Variants in PLXDC2 observed in about 807,000 individuals in gnomAD.
PLXDC2 encodes the protein plexin domain-containing protein 2.
A neutral mutation model predicts 68.9 loss-of-function variants in PLXDC2; 40 were observed. The observed-to-expected ratio is 0.58, with a 90% CI of 0.45 to 0.76. The LOEUF (loss-of-function observed/expected upper bound fraction) is 0.76, where lower values mean the gene tolerates loss of function less well. Ranked by LOEUF, PLXDC2 falls within the 30% of genes least tolerant of loss-of-function variation. PLXDC2 has a pLI of 0.00. For missense variants in PLXDC2, 644 were observed against 661.9 expected, an observed-to-expected ratio of 0.97 and a Z score of 0.30; for synonymous variants, 243 against 234.2, an observed-to-expected ratio of 1.04 and a Z score of -0.34.
intron 1 of PLXDC2, among the ~76,000 whole-genome samples, chr10:19,934,906 A>G (rs550351631): frequency 5.3e-4 from 81 of 152,290 alleles, no homozygotes; most frequent in African/African-American, 1.8e-3. Context: ...GTAAAAAAAT[A>G]TTCAAAGAAA....
At chr10:20,025,621 A>G (rs1210113978) in intron 2 of PLXDC2, among the ~76,000 whole-genome samples, 1 of 151,978 alleles carries the variant, frequency 6.6e-6, no homozygotes, top group Non-Finnish European at 1.5e-5. Flanking sequence ...TGTAGTTTTG[A>G]TGTGCATTTC....
chr10:20,132,814 A>G (rs1359917264), intron 4 of PLXDC2, among the ~76,000 whole-genome samples: 1 of 151,896 alleles, frequency 6.6e-6, no homozygotes, highest in Non-Finnish European at 1.5e-5. Flanking sequence ...TTTTGATTGA[A>G]GAATGTAATC....
At position 20,147,823 on chromosome 10, in the gene PLXDC2, A is replaced by G; in HGVS notation, c.704A>G (p.Gln235Arg). 6.2e-7 allele frequency: 1 copy of G among 1,613,478 alleles called. No homozygotes were observed. ...LVVQWDHVHL[Q>R]DNYNLGSFTF... ...GTCCAGTGGGACCATGTACATCTCC[A>G]GGATAATTATAACCTGGGAAGCTTC... Residue 235 changes from glutamine to arginine, a missense_variant, in exon 6 of 14, where the codon CAG (glutamine) becomes CGG (arginine). By Grantham distance (43) the Gln-to-Arg change is conservative (BLOSUM62 1). Coordinates refer to ENST00000377252, the MANE Select transcript of PLXDC2 (RefSeq NM_032812.9).
chr10:20,116,987 G>A (rs1833630948), intron 4 of PLXDC2, among the ~76,000 whole-genome samples: 2 of 151,326 alleles, frequency 1.3e-5, no homozygotes, highest in African/African-American at 2.4e-5. Flanking sequence ...TTTAAAGACT[G>A]GAAGAAAAAA....
chr10:20,018,185 C>G (rs1312507329), intron 2 of PLXDC2, among the ~76,000 whole-genome samples: 1 of 152,198 alleles, frequency 6.6e-6, no homozygotes, highest in Non-Finnish European at 1.5e-5. Flanking sequence ...CTAGTGTACA[C>G]CATGCAAATG....
At chr10:19,879,590 T>C (rs1011425706) in intron 1 of PLXDC2, among the ~76,000 whole-genome samples, 4 of 152,214 alleles carry the variant, frequency 2.6e-5, no homozygotes, top group African/African-American at 4.8e-5. Context: ...AGGCCTTGCA[T>C]TGCAGACTGA....
At chr10:20,148,849 C>T (rs998305533) in intron 6 of PLXDC2, among the ~76,000 whole-genome samples, 7 of 152,132 alleles carry the variant, frequency 4.6e-5, no homozygotes, top group East Asian at 1.9e-4. Context: ...AAAGAATGCC[C>T]TTTGGTCAAA....
At chr10:20,210,944 A>G (rs1835061484) in intron 9 of PLXDC2, among the ~76,000 whole-genome samples, 1 of 152,180 alleles carries the variant, frequency 6.6e-6, no homozygotes, top group South Asian at 2.1e-4. Flanking sequence ...CTTATCTTCC[A>G]GTCGTCAGCT....
rs566983035 is a variant in PLXDC2, at chr10:20,238,679, A to G, written c.1313-6666A>G. On this transcript the variant is annotated intron_variant, in intron 12 of 13. Coordinates refer to ENST00000377252, the MANE Select transcript of PLXDC2 (RefSeq NM_032812.9). ...TCAAAAAAAATATATATATATATGT[A>G]TATATATATATATACACACATATAT... Among the ~76,000 whole-genome samples, 24 of 128,382 alleles carry G rather than the reference A, an allele frequency of 1.9e-4. 1 individual carries two copies. Among genetic ancestry groups the G allele is most frequent in the East Asian group, 6.8e-4 (3 of 4,386 alleles). The allele number at this position is 128,382 out of a possible 152,430, so 84.2% of individuals were successfully genotyped here.
At chr10:19,951,046 A>T (rs979528447) in intron 1 of PLXDC2, among the ~76,000 whole-genome samples, 1 of 152,194 alleles carries the variant, frequency 6.6e-6, no homozygotes, top group Non-Finnish European at 1.5e-5. Flanking sequence ...TAAGAATCCT[A>T]GAAGAAAACC....
In PLXDC2 at chr10:20,238,779, G is replaced by A. The variant is rs142072484; in HGVS notation, c.1313-6566G>A. Among the ~76,000 whole-genome samples, 80 of 145,920 alleles carry A rather than the reference G, an allele frequency of 5.5e-4. No homozygotes were observed. The East Asian group carries it at 0.016, about 28-fold the overall frequency. Reference sequence around the variant, plus strand: ...TATATATGATGTCTTTGCTCTTATGGTAGCTAAAACTTTCCCAAAAATAGC... The same window carrying A: ...TATATATGATGTCTTTGCTCTTATGATAGCTAAAACTTTCCCAAAAATAGC... On this transcript the variant is annotated intron_variant, in intron 12 of 13. Coordinates refer to ENST00000377252, the MANE Select transcript of PLXDC2 (RefSeq NM_032812.9).
At position 20,011,453 on chromosome 10, in the gene PLXDC2, T is replaced by C. The variant is rs149762316; in HGVS notation, c.324+9467T>C. ...CTTAACTGCCAGCAGTTTAGCAAAGTGTGAAAAACGTCATCCACCAGCGCC... is the reference window on the plus strand; with the variant it reads ...CTTAACTGCCAGCAGTTTAGCAAAGCGTGAAAAACGTCATCCACCAGCGCC... On this transcript the variant is annotated intron_variant, in intron 2 of 13. Transcript: ENST00000377252. Among the ~76,000 whole-genome samples the C allele has an allele frequency of 4.8e-4, 73 of 152,248 alleles. 1 individual carries two copies. The East Asian group carries it at 0.013, about 26-fold the overall frequency.
intron 3 of PLXDC2, among the ~76,000 whole-genome samples, chr10:20,061,802 A>C (rs1486134899): frequency 1.3e-5 from 2 of 152,244 alleles, no homozygotes; most frequent in Non-Finnish European, 2.9e-5. Flanking sequence ...CATTGCCTAG[A>C]AACATGTCTA....
At chr10:20,120,900 C>A (rs1179236637) in intron 4 of PLXDC2, among the ~76,000 whole-genome samples, 1 of 152,068 alleles carries the variant, frequency 6.6e-6, no homozygotes, top group African/African-American at 2.4e-5. Context: ...GGCAATTAGG[C>A]CTGATGGAAC....
intron 1 of PLXDC2, among the ~76,000 whole-genome samples, chr10:19,923,558 A>AT (rs1173182065): frequency 1.3e-5 from 2 of 152,310 alleles, no homozygotes; most frequent in Non-Finnish European, 2.9e-5. Context: ...TGCTTTATCC[A>AT]ATTGCTACAC....
intron 1 of PLXDC2, among the ~76,000 whole-genome samples, chr10:19,850,376 C>G (rs1433686743): frequency 2.0e-5 from 3 of 151,784 alleles, no homozygotes; most frequent in Non-Finnish European, 4.4e-5. Context: ...AATAATACTT[C>G]CTTTAGTAAA....
In PLXDC2 at chr10:20,245,516, A is replaced by T; in HGVS notation, c.1473+11A>T. Reference sequence around the variant, plus strand: ...ATCTTCTTTATTGAGGTAAGTGTTGAGTTTAACACATGAAAACCACGCCAG... The same window carrying T: ...ATCTTCTTTATTGAGGTAAGTGTTGTGTTTAACACATGAAAACCACGCCAG... On this transcript the variant is annotated intron_variant, in intron 13 of 13. Transcript: ENST00000377252. 6.2e-7 allele frequency: 1 copy of T among 1,606,770 alleles called. No individual in the cohort carries two copies. Among genetic ancestry groups the T allele is most frequent in the South Asian group, 1.1e-5 (1 of 89,990 alleles).
chr10:20,154,967 C>T (rs756491536), intron 6 of PLXDC2, among the ~76,000 whole-genome samples: 1 of 151,992 alleles, frequency 6.6e-6, no homozygotes, highest in Non-Finnish European at 1.5e-5. Context: ...GAATACTTTA[C>T]CATTTCCTTC....
intron 4 of PLXDC2, among the ~76,000 whole-genome samples, chr10:20,141,083 T>G (rs1834001240): frequency 6.6e-6 from 1 of 152,158 alleles, no homozygotes; most frequent in Non-Finnish European, 1.5e-5. Flanking sequence ...AACAAATTCT[T>G]CTGTATTTCT....
Sources: allele counts gnomAD v4.1 joint callset (sites outside exome capture counted in the v4.1 genomes callset), GRCh38; gene constraint gnomAD v4.1.1; transcripts MANE v1.5; gene names NCBI Gene and HGNC (gene_info 2026-07-23, HGNC 2026-07-21).